LRRC3B: variants seen among roughly 807,000 people sequenced by gnomAD.
LRRC3B encodes the protein leucine rich repeat containing 3B, also known as leucine-rich repeat-containing protein 3B.
In LRRC3B, 2 loss-of-function variants were observed where a neutral mutation model predicts 12.8. The observed-to-expected ratio is 0.16, with a 90% CI of 0.06 to 0.49. The LOEUF (loss-of-function observed/expected upper bound fraction) is 0.49, where lower values mean the gene tolerates loss of function less well. Ranked by LOEUF, LRRC3B falls within the 20% of genes least tolerant of loss-of-function variation. The pLI is 0.96. For synonymous variants in LRRC3B, 132 were observed against 122.0 expected, an observed-to-expected ratio of 1.08 and a Z score of -0.54; for missense variants, 189 against 319.4, an observed-to-expected ratio of 0.59 and a Z score of 3.11.
chr3:26,633,103 T>G (rs1002759526), intron 1 of LRRC3B, among the ~76,000 whole-genome samples: 5 of 152,162 alleles, frequency 3.3e-5, no homozygotes, highest in African/African-American at 9.7e-5. Flanking sequence ...CTTTCACATC[T>G]GCCTCCACTG....
chr3:26,671,937 C>A (rs1249815560), intron 1 of LRRC3B, among the ~76,000 whole-genome samples: 2 of 152,144 alleles, frequency 1.3e-5, no homozygotes, highest in Non-Finnish European at 2.9e-5. Context: ...CGCTTTTGAA[C>A]ACAAGATCTA....
intron 1 of LRRC3B, among the ~76,000 whole-genome samples, chr3:26,680,191 C>T (rs932844341): frequency 5.3e-5 from 8 of 152,164 alleles, no homozygotes; most frequent in Non-Finnish European, 1.0e-4. Flanking sequence ...TTACAAAGCC[C>T]GCCCGACAGG....
At chr3:26,633,198 A>G (rs1698796208) in intron 1 of LRRC3B, among the ~76,000 whole-genome samples, 1 of 151,580 alleles carries the variant, frequency 6.6e-6, no homozygotes, top group African/African-American at 2.4e-5. Flanking sequence ...CTTCCATCTA[A>G]TTATTCATCC....
chr3:26,656,518 C>A (rs535894667), intron 1 of LRRC3B, among the ~76,000 whole-genome samples: 33 of 152,204 alleles, frequency 2.2e-4, no homozygotes, highest in Non-Finnish European at 4.4e-4. Flanking sequence ...ATTTTATGGA[C>A]CAAGCTTCAG....
exon 2 of LRRC3B, chr3:26,710,375 C>T: frequency 6.2e-7 from 1 of 1,614,034 alleles, no homozygotes; most frequent in Non-Finnish European, 8.5e-7. Flanking sequence ...TGCCCGGAGA[C>T]ACCTCGAATA....
chr3:26,693,897 C>T (rs1700246932), intron 1 of LRRC3B, among the ~76,000 whole-genome samples: 1 of 151,962 alleles, frequency 6.6e-6, no homozygotes, highest in African/African-American at 2.4e-5. Context: ...CACAATAGTC[C>T]ATTCATCTTC....
chr3:26,655,528 T>C (rs1412889605), intron 1 of LRRC3B, among the ~76,000 whole-genome samples: 2 of 152,252 alleles, frequency 1.3e-5, no homozygotes, highest in Admixed American at 1.3e-4. Flanking sequence ...CTAGGATTAT[T>C]AGTAAAGCCT....
intron 1 of LRRC3B, among the ~76,000 whole-genome samples, chr3:26,673,027 G>T (rs1405946518): frequency 6.6e-6 from 1 of 152,192 alleles, no homozygotes; most frequent in Non-Finnish European, 1.5e-5. Flanking sequence ...CAGTCTCATA[G>T]CACCTGAGAA....
At chr3:26,674,235 G>T (rs1476680748) in intron 1 of LRRC3B, among the ~76,000 whole-genome samples, 1 of 152,228 alleles carries the variant, frequency 6.6e-6, no homozygotes, top group Non-Finnish European at 1.5e-5. Context: ...TCTGTGGGAG[G>T]TTGCACCATC....
intron 1 of LRRC3B, among the ~76,000 whole-genome samples, chr3:26,688,236 G>T (rs1031976335): frequency 1.3e-5 from 2 of 152,122 alleles, no homozygotes; most frequent in Non-Finnish European, 2.9e-5. Flanking sequence ...TTTCTGGTCA[G>T]CAGAAAAGAA....
At chr3:26,633,615 G>A (rs903556459) in intron 1 of LRRC3B, among the ~76,000 whole-genome samples, 7 of 152,142 alleles carry the variant, frequency 4.6e-5, no homozygotes, top group Admixed American at 4.6e-4. Flanking sequence ...CATGGAACCA[G>A]GGACATTTGA....
intron 1 of LRRC3B, among the ~76,000 whole-genome samples, chr3:26,663,057 T>G (rs1699526422): frequency 6.6e-6 from 1 of 152,160 alleles, no homozygotes; most frequent in Non-Finnish European, 1.5e-5. Context: ...TGATTCCCAG[T>G]GCATCAGATT....
intron 1 of LRRC3B, among the ~76,000 whole-genome samples, chr3:26,633,592 A>T (rs995763314): frequency 6.6e-6 from 1 of 152,172 alleles, no homozygotes; most frequent in African/African-American, 2.4e-5. Flanking sequence ...AATTGACTTC[A>T]TGGTCAATTT....
At chr3:26,639,989 C>A (rs930009188) in intron 1 of LRRC3B, among the ~76,000 whole-genome samples, 5 of 152,084 alleles carry the variant, frequency 3.3e-5, no homozygotes, top group Non-Finnish European at 7.3e-5. Context: ...TGTCTCTACA[C>A]CAAATCAGGA....
chr3:26,671,957 T>G (rs543506017), intron 1 of LRRC3B, among the ~76,000 whole-genome samples: 1 of 152,156 alleles, frequency 6.6e-6, no homozygotes, highest in Non-Finnish European at 1.5e-5. Context: ...ATTTAGGCGG[T>G]TGAAAATGGA....
chr3:26,699,142 C>G (rs546509272), intron 1 of LRRC3B, among the ~76,000 whole-genome samples: 41 of 152,144 alleles, frequency 2.7e-4, no homozygotes, highest in Admixed American at 4.6e-4. Context: ...ATGCTTTCCT[C>G]TTGATTAGAT....
intron 1 of LRRC3B, among the ~76,000 whole-genome samples, chr3:26,661,188 T>G (rs1300402213): frequency 6.6e-6 from 1 of 152,134 alleles, no homozygotes; most frequent in East Asian, 1.9e-4. Context: ...GAAGGTCTTG[T>G]TCAAAGGGAA....
intron 1 of LRRC3B, among the ~76,000 whole-genome samples, chr3:26,679,794 A>G (rs1027481301): frequency 6.6e-6 from 1 of 152,200 alleles, no homozygotes; most frequent in African/African-American, 2.4e-5. Context: ...TGTAGGCTCA[A>G]CATCAAGAAC....
chr3:26,672,100 G>C (rs1030136319), intron 1 of LRRC3B, among the ~76,000 whole-genome samples: 9 of 152,266 alleles, frequency 5.9e-5, no homozygotes, highest in African/African-American at 1.9e-4. Flanking sequence ...TTGTTGCTCA[G>C]TAACTGAGGT....
Sources: allele counts gnomAD v4.1 joint callset (sites outside exome capture counted in the v4.1 genomes callset), GRCh38; gene constraint gnomAD v4.1.1; transcripts MANE v1.5; gene names NCBI Gene and HGNC (gene_info 2026-07-23, HGNC 2026-07-21).